Variants in CCSER1 observed in about 807,000 individuals in gnomAD.
CCSER1 encodes coiled-coil serine rich protein 1.
CCSER1 carries 41 observed loss-of-function variants against 82.0 expected under a neutral mutation model. That is an observed-to-expected ratio of 0.50 (90% CI 0.39 to 0.65). The LOEUF is 0.65. Ranked by LOEUF, CCSER1 falls within the 30% of genes least tolerant of loss-of-function variation. The probability of loss-of-function intolerance (pLI) is 0.00; values close to 1 mark genes in which losing one functional copy is unlikely to be tolerated. For synonymous variants in CCSER1, 414 were observed against 383.9 expected (o/e 1.08, Z -0.92); for missense variants, 1,119 against 1,064.2 (o/e 1.05, Z -0.72).
chr4:90,722,371 T>C (rs1392146554), intron 6 of CCSER1, among the ~76,000 whole-genome samples: 1 of 151,868 alleles, frequency 6.6e-6, no homozygotes, highest in South Asian at 2.1e-4. Context: ...GAGTCTTTTT[T>C]TCTGTGTTTT....
At chr4:90,691,641 ATG>A (rs1247671738) in intron 6 of CCSER1, among the ~76,000 whole-genome samples, 2 of 151,754 alleles carry the variant, frequency 1.3e-5, no homozygotes, top group African/African-American at 4.8e-5. Context: ...TATATATCAC[ATG>A]TATATATACA....
chr4:91,342,265 A>C (rs1159486626), intron 10 of CCSER1, among the ~76,000 whole-genome samples: 1 of 152,232 alleles, frequency 6.6e-6, no homozygotes, highest in Non-Finnish European at 1.5e-5. Context: ...TTAAATGAGT[A>C]ATAGAGCTAG....
chr4:90,974,972 G>A (rs923026051), intron 9 of CCSER1, among the ~76,000 whole-genome samples: 1 of 151,292 alleles, frequency 6.6e-6, no homozygotes, highest in African/African-American at 2.4e-5. Flanking sequence ...AAATATACAT[G>A]AACTGATGAA....
At chr4:91,405,092 A>G (rs917646652) in intron 10 of CCSER1, among the ~76,000 whole-genome samples, 1 of 152,114 alleles carries the variant, frequency 6.6e-6, no homozygotes, top group Admixed American at 6.5e-5. Flanking sequence ...TATTGTGTGC[A>G]TATATATTTA....
At chr4:90,627,113 A>T (rs1723437315) in intron 5 of CCSER1, among the ~76,000 whole-genome samples, 1 of 152,148 alleles carries the variant, frequency 6.6e-6, no homozygotes, top group Admixed American at 6.5e-5. Context: ...TTATAGATAT[A>T]AAATGGAGGT....
chr4:91,237,252 T>C (rs1739083052), intron 10 of CCSER1, among the ~76,000 whole-genome samples: 2 of 152,046 alleles, frequency 1.3e-5, no homozygotes, highest in South Asian at 4.1e-4. Context: ...ATAAATTAGA[T>C]GTTTTTTAGA....
intron 4 of CCSER1, among the ~76,000 whole-genome samples, chr4:90,442,353 C>T (rs1760009551): frequency 6.6e-6 from 1 of 152,112 alleles, no homozygotes; most frequent in South Asian, 2.1e-4. Context: ...ATGACTTTTA[C>T]TGGTGAACTC....
intron 10 of CCSER1, among the ~76,000 whole-genome samples, chr4:91,444,462 T>TC (rs1018511805): frequency 1.3e-5 from 2 of 151,598 alleles, no homozygotes; most frequent in Admixed American, 1.3e-4. Flanking sequence ...CTTTTGCTTT[T>TC]TTTTTGAGAC....
intron 10 of CCSER1, among the ~76,000 whole-genome samples, chr4:91,575,548 G>T (rs1763411074): frequency 6.6e-6 from 1 of 151,922 alleles, no homozygotes; most frequent in Non-Finnish European, 1.5e-5. Context: ...GTTAAAATGG[G>T]TAAAGGATAT....
intron 3 of CCSER1, among the ~76,000 whole-genome samples, chr4:90,332,856 A>T (rs554800572): frequency 6.6e-6 from 1 of 152,282 alleles, no homozygotes; most frequent in East Asian, 1.9e-4. Flanking sequence ...TATTTTATTT[A>T]ATATAAATCT....
At chr4:90,590,362 C>T (rs1782542540) in intron 5 of CCSER1, among the ~76,000 whole-genome samples, 1 of 152,020 alleles carries the variant, frequency 6.6e-6, no homozygotes, top group African/African-American at 2.4e-5. Context: ...GGCAGATCAC[C>T]TGAGGTCAGG....
At chr4:90,927,911 GTGGA>G (rs1729261749) in intron 9 of CCSER1, among the ~76,000 whole-genome samples, 1 of 151,994 alleles carries the variant, frequency 6.6e-6, no homozygotes, top group Non-Finnish European at 1.5e-5. Context: ...ATGTCTGCCT[GTGGA>G]TTAAGCCCTG....
intron 10 of CCSER1, among the ~76,000 whole-genome samples, chr4:91,517,896 T>C (rs1760230266): frequency 6.6e-6 from 1 of 151,282 alleles, no homozygotes; most frequent in Non-Finnish European, 1.5e-5. Flanking sequence ...TGCTTTTGGT[T>C]TCACAGGGGG....
At chr4:91,449,842 ACTGAATAAAG>A (rs1231568118) in intron 10 of CCSER1, among the ~76,000 whole-genome samples, 4 of 152,124 alleles carry the variant, frequency 2.6e-5, no homozygotes, top group Admixed American at 1.3e-4. Flanking sequence ...GTCACTGTTA[ACTGAATAAAG>A]CTGAATAAAG....
chr4:90,234,707 A>C (rs941871184), intron 1 of CCSER1, among the ~76,000 whole-genome samples: 1 of 152,148 alleles, frequency 6.6e-6, no homozygotes, highest in Non-Finnish European at 1.5e-5. Flanking sequence ...TTATCTCATT[A>C]AACATTATCA....
intron 10 of CCSER1, among the ~76,000 whole-genome samples, chr4:91,181,322 C>A (rs1429915930): frequency 2.0e-5 from 3 of 152,202 alleles, no homozygotes; most frequent in Non-Finnish European, 2.9e-5. Flanking sequence ...AAAGCACAAT[C>A]ATCATTGAAA....
intron 1 of CCSER1, among the ~76,000 whole-genome samples, chr4:90,192,770 T>G (rs2153397973): frequency 6.6e-6 from 1 of 152,142 alleles, no homozygotes; most frequent in East Asian, 1.9e-4. Context: ...AGGACTGAAG[T>G]TAGTAAAAAA....
At chr4:90,457,731 G>A (rs906198853) in intron 4 of CCSER1, among the ~76,000 whole-genome samples, 3 of 152,122 alleles carry the variant, frequency 2.0e-5, no homozygotes, top group Non-Finnish European at 4.4e-5. Flanking sequence ...CCCGGAAAAG[G>A]CACCATAATT....
At chr4:90,857,711 A>C (rs1458453295) in intron 8 of CCSER1, among the ~76,000 whole-genome samples, 1 of 152,090 alleles carries the variant, frequency 6.6e-6, no homozygotes. Context: ...TTATATTTCT[A>C]TGCTGGGTCT....
Sources: gnomAD v4.1 joint callset for allele counts (sites outside exome capture counted in the v4.1 genomes callset) on GRCh38, gnomAD v4.1.1 for gene constraint, MANE v1.5 for transcripts, NCBI Gene and HGNC (gene_info 2026-07-23, HGNC 2026-07-21) for gene names.